Variants in ARHGEF12 observed in about 807,000 individuals in gnomAD.
ARHGEF12 encodes KMT2A/ARHGEF12 fusion protein.
In ARHGEF12, 66 loss-of-function variants were observed where a neutral mutation model predicts 211.2. The observed-to-expected ratio is 0.31, with a 90% CI of 0.26 to 0.38. The LOEUF is 0.38. Among genes scored for constraint, ARHGEF12 ranks in the 10% least tolerant of loss-of-function variants. ARHGEF12 has a pLI of 1.00. For missense variants in ARHGEF12, 1,429 were observed against 1,869.5 expected (o/e 0.76, Z 4.34); for synonymous variants, 592 against 638.4 (o/e 0.93, Z 1.09).
intron 39 of ARHGEF12, among the ~76,000 whole-genome samples, chr11:120,482,016 C>A (rs898344864): frequency 1.3e-5 from 2 of 152,174 alleles, no homozygotes; most frequent in African/African-American, 4.8e-5. Flanking sequence ...GCCTCGGCCT[C>A]CCAAAGTACT....
At chr11:120,406,341 AT>A (rs1197969540) in intron 2 of ARHGEF12, among the ~76,000 whole-genome samples, 200 bp downstream of exon 2, 2 of 152,138 alleles carry the variant, frequency 1.3e-5, no homozygotes, top group African/African-American at 2.4e-5. Flanking sequence ...AATACTTCTA[AT>A]ATAAGCATTT....
chr11:120,357,036 G>A (rs188244121), intron 1 of ARHGEF12, among the ~76,000 whole-genome samples: 1 of 149,062 alleles, frequency 6.7e-6, no homozygotes, highest in Admixed American at 6.7e-5. Context: ...GTTTTGTTTT[G>A]TTTTTTTTGA....
chr11:120,459,395 A>T, intron 26 of ARHGEF12, 75 bp downstream of exon 26: 2 of 1,476,540 alleles, frequency 1.4e-6, no homozygotes, highest in Middle Eastern at 1.8e-4. Flanking sequence ...AAATTTTGTA[A>T]ATGTACCCAT....
intron 29 of ARHGEF12, among the ~76,000 whole-genome samples, chr11:120,467,951 T>C (rs1228475612): frequency 6.6e-6 from 1 of 152,156 alleles, no homozygotes; most frequent in Admixed American, 6.5e-5. Flanking sequence ...CAGAGTCGAG[T>C]AGTTTTATCG....
intron 21 of ARHGEF12, 71 bp downstream of exon 21, chr11:120,449,285 A>G (rs957648918): frequency 2.4e-6 from 3 of 1,229,140 alleles, no homozygotes; most frequent in Non-Finnish European, 3.5e-6. Context: ...TTCTTCAGCT[A>G]GAATGAATTT....
At chr11:120,448,090 G>A (rs1266360493) in intron 19 of ARHGEF12, 144 bp from the exon 20 acceptor site, 1 of 751,624 alleles carries the variant, frequency 1.3e-6, no homozygotes. Context: ...TCTCTTCTCT[G>A]TGCAATGACT....
At chr11:120,410,667 A>G (rs1944856855) in intron 4 of ARHGEF12, 1 of 152,202 alleles carries the variant, frequency 6.6e-6, no homozygotes, top group African/African-American at 2.4e-5. Flanking sequence ...TCTATGTTAG[A>G]TATATACACA....
intron 15 of ARHGEF12, among the ~76,000 whole-genome samples, chr11:120,442,427 TACACACACACAC>T (rs59268139): frequency 0.032 from 4,618 of 144,032 alleles, 117 homozygotes; most frequent in Middle Eastern, 0.094. Context: ...TATATATATA[TACACACACACAC>T]ACACACACAC....
At chr11:120,467,433 CTTTTTTTTTT>C in intron 29 of ARHGEF12, 125 bp downstream of exon 29, 1 of 302,436 alleles carries the variant, frequency 3.3e-6, no homozygotes, top group South Asian at 4.9e-5. Flanking sequence ...ACAAGATTTT[CTTTTTTTTTT>C]TTTTTTTTTC....
At chr11:120,462,074 T>C (rs1946552561) in intron 27 of ARHGEF12, among the ~76,000 whole-genome samples, 1 of 152,206 alleles carries the variant, frequency 6.6e-6, no homozygotes, top group Admixed American at 6.5e-5. Context: ...TGTTCACAAG[T>C]TGGCCATTTG....
intron 1 of ARHGEF12, among the ~76,000 whole-genome samples, chr11:120,360,617 T>C (rs959848586): frequency 1.3e-5 from 2 of 152,134 alleles, no homozygotes; most frequent in South Asian, 2.1e-4. Context: ...GGTCTTGAAC[T>C]CCTAGGCTCA....
chr11:120,448,086 C>A, intron 19 of ARHGEF12, 148 bp from the exon 20 acceptor site: 1 of 751,658 alleles, frequency 1.3e-6, no homozygotes, highest in Non-Finnish European at 2.2e-6. Flanking sequence ...GAATTCTCTT[C>A]TCTGTGCAAT....
At chr11:120,342,400 A>G (rs1166631687) in intron 1 of ARHGEF12, among the ~76,000 whole-genome samples, 1 of 152,154 alleles carries the variant, frequency 6.6e-6, no homozygotes, top group African/African-American at 2.4e-5. Context: ...ACTTGTATGT[A>G]CTTGCTGTAC....
Position 120,487,364 on chromosome 11 carries a change from TCAAA to T in ARHGEF12, c.*2292_*2295del, listed in dbSNP as rs1394430042. Reference sequence around the variant, plus strand: ...TCCAAATAAATTCATATCTAGATTTTCAAACAAAGCCCCAAGATGAAGTCTAATT... The same window carrying T: ...TCCAAATAAATTCATATCTAGATTTTCAAAGCCCCAAGATGAAGTCTAATT... On this transcript the variant is annotated 3_prime_UTR_variant, in exon 41 of 41. Coordinates refer to ENST00000397843, the MANE Select transcript of ARHGEF12 (RefSeq NM_015313.3). 4.6e-6 allele frequency: 1 copy of T among 219,412 alleles called. No homozygotes were observed. Among genetic ancestry groups the T allele is most frequent in the Admixed American group, 5.8e-5 (1 of 17,268 alleles). 13.6% of individuals were successfully genotyped at this position (219,412 alleles called of 1,614,324 possible). A position where few individuals can be genotyped will look rare whatever the true frequency, so the allele number is the denominator to read the frequency against.
Position 120,476,507 on chromosome 11 carries a change from G to A in ARHGEF12, c.3278-154G>A, listed in dbSNP as rs556763988. The A allele has an allele frequency of 3.7e-4, 171 of 456,174 alleles. 1 individual carries two copies. Among genetic ancestry groups the A allele is most frequent in the South Asian group, 3.5e-3 (53 of 15,136 alleles). The allele number at this position is 456,174 out of a possible 1,614,324, so 28.3% of individuals were successfully genotyped here. The stretch of plus-strand genomic sequence containing the variant: ...AATAAATACGTTAATATGGTAAGTT[G>A]CACAAATTTTAAGTGTACATCTTGA... On this transcript the variant is annotated intron_variant, in intron 33 of 40. Coordinates refer to ENST00000397843, the MANE Select transcript of ARHGEF12 (RefSeq NM_015313.3).
chr11:120,382,249 A>T (rs945780652), intron 1 of ARHGEF12, among the ~76,000 whole-genome samples: 3 of 152,148 alleles, frequency 2.0e-5, no homozygotes, highest in African/African-American at 7.2e-5. Flanking sequence ...TTAACTTTCG[A>T]CTGCTTTTGT....
intron 1 of ARHGEF12, among the ~76,000 whole-genome samples, chr11:120,363,201 A>G (rs1943327604): frequency 6.6e-6 from 1 of 152,236 alleles, no homozygotes; most frequent in Non-Finnish European, 1.5e-5. Flanking sequence ...TAAGGTTTGT[A>G]TGAATGGTTT....
rs1308269507 is a variant in ARHGEF12 at position 120,430,051 on chromosome 11, T to A, written c.783+220T>A. 7.9e-5 allele frequency among the ~76,000 whole-genome samples: 12 copies of A among 152,268 alleles called. No homozygotes were observed. The East Asian group carries it at 2.3e-3, about 29-fold the overall frequency. ...GAGATCACATTTCTTTGTTCCATAA[T>A]AATTTAAAAAAGAATTGAGTGCTTT... On this transcript the variant is annotated intron_variant, in intron 10 of 40. Coordinates refer to ENST00000397843, the MANE Select transcript of ARHGEF12 (RefSeq NM_015313.3).
chr11:120,385,743 G>A (rs956647195), intron 1 of ARHGEF12, among the ~76,000 whole-genome samples: 2 of 152,118 alleles, frequency 1.3e-5, no homozygotes, highest in Admixed American at 1.3e-4. Flanking sequence ...TTAGAACAAA[G>A]GTTTTTACAT....
Sources: gnomAD v4.1 joint callset for allele counts (sites outside exome capture counted in the v4.1 genomes callset) on GRCh38, gnomAD v4.1.1 for gene constraint, MANE v1.5 for transcripts, NCBI Gene and HGNC (gene_info 2026-07-23, HGNC 2026-07-21) for gene names.